The following TBL1X variants were observed in gnomAD, a reference collection of about 807,000 sequenced individuals.
TBL1X encodes transducin beta like 1 X-linked, also known as F-box-like/WD repeat-containing protein TBL1X.
A neutral mutation model predicts 50.7 loss-of-function variants in TBL1X; 10 were observed. The observed-to-expected ratio is 0.20, with a 90% CI of 0.12 to 0.33. The LOEUF (loss-of-function observed/expected upper bound fraction) is 0.33, where lower values mean the gene tolerates loss of function less well. Among genes scored for constraint, TBL1X ranks in the 10% least tolerant of loss-of-function variants. The probability of loss-of-function intolerance (pLI) is 1.00; values close to 1 mark genes in which losing one functional copy is unlikely to be tolerated. For missense variants in TBL1X, 340 were observed against 504.4 expected (o/e 0.67, Z 3.12); for synonymous variants, 190 against 214.7 (o/e 0.88, Z 1.01).
intron 1 of TBL1X, 150 bp downstream of exon 1, chrX:9,465,597 C>T (rs1478350631): frequency 1.8e-5 from 2 of 112,500 alleles, no homozygotes; most frequent in Non-Finnish European, 3.8e-5. Context: ...TGCAGGTCGC[C>T]AACTGTCCCC....
intron 2 of TBL1X, among the ~76,000 whole-genome samples, chrX:9,555,722 G>T (rs931675103): frequency 8.9e-6 from 1 of 111,956 alleles, no homozygotes; most frequent in Non-Finnish European, 1.9e-5. Flanking sequence ...CTCTCTCAGA[G>T]AACTTTCTGA....
chrX:9,587,149 C>T (rs982669501), intron 2 of TBL1X, among the ~76,000 whole-genome samples: 1 of 112,068 alleles, frequency 8.9e-6, no homozygotes, highest in African/African-American at 3.2e-5. Flanking sequence ...AGGCACCGAG[C>T]GCTGGAGGCC....
chrX:9,591,601 A>G (rs939860296), intron 2 of TBL1X, among the ~76,000 whole-genome samples: 5 of 112,227 alleles, frequency 4.5e-5, no homozygotes, highest in African/African-American at 1.6e-4. Flanking sequence ...GTCATCAGCC[A>G]TCTTGCGGGA....
chrX:9,585,846 G>A (rs371325164), intron 2 of TBL1X, among the ~76,000 whole-genome samples: 4 of 111,919 alleles, frequency 3.6e-5, no homozygotes, highest in Non-Finnish European at 7.5e-5. Context: ...GGTACTGGGC[G>A]CTAGGACTTT....
intron 9 of TBL1X, among the ~76,000 whole-genome samples, chrX:9,692,943 A>G (rs1283887564): frequency 8.9e-6 from 1 of 112,554 alleles, no homozygotes; most frequent in Admixed American, 9.4e-5. Context: ...GCATTGACAC[A>G]TGGGATGCAC....
chrX:9,715,607 C>T (rs1456619954), intron 17 of TBL1X, among the ~76,000 whole-genome samples: 2 of 111,978 alleles, frequency 1.8e-5, no homozygotes, highest in African/African-American at 3.2e-5. Flanking sequence ...CTGTGCGGTG[C>T]GTTGTTGCTG....
intron 2 of TBL1X, among the ~76,000 whole-genome samples, chrX:9,565,003 G>C (rs1401083480): frequency 9.0e-6 from 1 of 110,636 alleles, no homozygotes; most frequent in Non-Finnish European, 1.9e-5. Context: ...GGGTGCGGTG[G>C]CTCACGCCTG....
At chrX:9,549,382 G>A (rs1177217530) in intron 2 of TBL1X, among the ~76,000 whole-genome samples, 1 of 112,582 alleles carries the variant, frequency 8.9e-6, no homozygotes, top group Admixed American at 9.4e-5. Flanking sequence ...ACTAAAAGAG[G>A]ATTTTGTCAT....
At chrX:9,615,606 T>C (rs1364987753) in intron 2 of TBL1X, among the ~76,000 whole-genome samples, 2 of 112,299 alleles carry the variant, frequency 1.8e-5, no homozygotes, top group Non-Finnish European at 3.8e-5. Context: ...TCTTGCTCAT[T>C]ACCGATGCTG....
intron 2 of TBL1X, among the ~76,000 whole-genome samples, chrX:9,561,077 A>G (rs1601758171): frequency 8.9e-6 from 1 of 111,772 alleles, no homozygotes; most frequent in African/African-American, 3.3e-5. Flanking sequence ...GCCAGGGCTG[A>G]CTGTCTGTGT....
chrX:9,625,763 C>T (rs1359245010), intron 2 of TBL1X, among the ~76,000 whole-genome samples: 1 of 111,319 alleles, frequency 9.0e-6, no homozygotes, highest in African/African-American at 3.3e-5. Context: ...GTGGTGAAAC[C>T]CCCGTCTCTA....
intron 1 of TBL1X, among the ~76,000 whole-genome samples, chrX:9,498,258 C>T (rs2081982980): frequency 9.0e-6 from 1 of 111,460 alleles, no homozygotes; most frequent in Non-Finnish European, 1.9e-5. Context: ...TAAGCTGCTC[C>T]ATTACTCATT....
At chrX:9,557,375 G>A (rs2082305903) in intron 2 of TBL1X, among the ~76,000 whole-genome samples, 1 of 111,685 alleles carries the variant, frequency 9.0e-6, no homozygotes. Context: ...GATTTGCAGG[G>A]GAAACAGGCG....
intron 2 of TBL1X, among the ~76,000 whole-genome samples, chrX:9,622,603 G>A (rs958990233): frequency 5.4e-5 from 6 of 111,245 alleles, no homozygotes; most frequent in Middle Eastern, 4.6e-3. Flanking sequence ...TTACAGGTGC[G>A]CGCCACCACA....
chrX:9,709,160 G>T (rs1317087376), intron 13 of TBL1X, 88 bp from the exon 14 acceptor site: 13 of 953,102 alleles, frequency 1.4e-5, no homozygotes, highest in African/African-American at 1.9e-5. Flanking sequence ...CTGCAGCGCC[G>T]GTGGCGCGCT....
At chrX:9,488,243 T>G (rs1034636646) in intron 1 of TBL1X, among the ~76,000 whole-genome samples, 3 of 112,421 alleles carry the variant, frequency 2.7e-5, no homozygotes, top group Non-Finnish European at 5.6e-5. Flanking sequence ...ACTATTATCT[T>G]ACGGTTCTGA....
chrX:9,572,108 A>G (rs1291550287), intron 2 of TBL1X, among the ~76,000 whole-genome samples: 1 of 111,108 alleles, frequency 9.0e-6, no homozygotes, highest in Non-Finnish European at 1.9e-5. Flanking sequence ...ATCATGTCAC[A>G]CCCCCGCGGA....
rs774388923 is a variant in TBL1X at position 9,691,649 on chromosome X, G to A, written c.687G>A (p.Arg229=). ...CATCCAGCAAAGCCACAGTCCTTCG[G>A]GGCCATGAGTCTGAGGTGTTCATTT... ...EIPSSKATVL[R]GHESEVFICA... Residue 229 remains arginine, a synonymous_variant, in exon 8 of 18, where the codon CGG becomes CGA. Transcript: ENST00000645353. The A allele has an allele frequency of 4.1e-6, 5 of 1,211,286 alleles. No homozygotes were observed. In the South Asian group the frequency reaches 8.8e-5, roughly 21 times the overall value.
intron 2 of TBL1X, among the ~76,000 whole-genome samples, chrX:9,577,962 T>TA (rs2082421148): frequency 8.9e-6 from 1 of 112,310 alleles, no homozygotes; most frequent in South Asian, 3.7e-4. Context: ...GCTTTATTGT[T>TA]AAAGGAGAGA....
Sources: allele counts gnomAD v4.1 joint callset (sites outside exome capture counted in the v4.1 genomes callset), GRCh38; gene constraint gnomAD v4.1.1; transcripts MANE v1.5; gene names NCBI Gene and HGNC (gene_info 2026-07-23, HGNC 2026-07-21).